The following SLC12A5 variants were observed in gnomAD, a reference collection of about 807,000 sequenced individuals.
SLC12A5 encodes the protein solute carrier family 12 member 5, also known as K-Cl cotransporter 2.
In SLC12A5, 18 loss-of-function variants were observed where a neutral mutation model predicts 124.0. That is an observed-to-expected ratio of 0.15 (90% CI 0.10 to 0.22). SLC12A5 has a LOEUF of 0.22. SLC12A5 is among the 10% of genes least tolerant of loss of function. The pLI is 1.00. For synonymous variants in SLC12A5, 589 were observed against 568.0 expected, an observed-to-expected ratio of 1.04 and a Z score of -0.53; for missense variants, 867 against 1,478.7, an observed-to-expected ratio of 0.59 and a Z score of 6.78.
chr20:46,058,850 A>G lies in SLC12A5; in HGVS notation c.*1245A>G. 2.5e-6 allele frequency: 1 copy of G among 397,546 alleles called. No homozygotes were observed. The highest frequency in any genetic ancestry group is 4.4e-6 in the Non-Finnish European group (1 of 226,052). 24.6% of individuals were successfully genotyped at this position (397,546 alleles called of 1,614,324 possible). On this transcript the variant is annotated 3_prime_UTR_variant, in exon 26 of 26. Transcript: ENST00000243964. The surrounding 1 kb of genome is among the most constrained non-coding windows in gnomAD (Gnocchi z 5.8). The stretch of plus-strand genomic sequence containing the variant: ...TGGCAGCTCCTGTCTCGCCTGAGGG[A>G]CCCAGCCGCCTTCTCCGTGCTCTGG...
Position 46,059,349 on chromosome 20 carries a change from C to A in SLC12A5, c.*1744C>A. The A allele has an allele frequency of 2.6e-6, 1 of 383,038 alleles. No homozygotes were observed. Among genetic ancestry groups the A allele is most frequent in the Non-Finnish European group, 4.6e-6 (1 of 216,888 alleles). 23.7% of individuals were successfully genotyped at this position (383,038 alleles called of 1,614,324 possible). Reference sequence around the variant, plus strand: ...GTGTGGCTGGGGTAGGTTTGGAGGTCTGCCAGTTACACCAAGTCCCCTCTG... The same window carrying A: ...GTGTGGCTGGGGTAGGTTTGGAGGTATGCCAGTTACACCAAGTCCCCTCTG... On this transcript the variant is annotated 3_prime_UTR_variant, in exon 26 of 26. Coordinates refer to ENST00000243964, the MANE Select transcript of SLC12A5 (RefSeq NM_020708.5).
Position 46,056,710 on chromosome 20 carries a change from T to A in SLC12A5, c.3110+146T>A. 8.8e-7 allele frequency: 1 copy of A among 1,140,746 alleles called. No homozygotes were observed. Among genetic ancestry groups the A allele is most frequent in the Non-Finnish European group, 1.3e-6 (1 of 794,504 alleles). The allele number at this position is 1,140,746 out of a possible 1,614,324, so 70.7% of individuals were successfully genotyped here. Reference sequence around the variant, plus strand: ...TGTCTTGGTTTCTCCATCTGAGGACTTAGGGGGTTGGGCCCCATTGCTAAG... The same window carrying A: ...TGTCTTGGTTTCTCCATCTGAGGACATAGGGGGTTGGGCCCCATTGCTAAG... On this transcript the variant is annotated intron_variant, in intron 23 of 25. Coordinates refer to ENST00000243964, the MANE Select transcript of SLC12A5 (RefSeq NM_020708.5). The surrounding 1 kb of genome is among the most constrained non-coding windows in gnomAD (Gnocchi z 4.3).
At position 46,040,426 on chromosome 20, in the gene SLC12A5, G is replaced by T. The variant is rs1393595000; in HGVS notation, c.666G>T (p.Glu222Asp). The stretch of plus-strand genomic sequence containing the variant: ...TCAAGGCAGAAGATGCCAGTGGGGA[G>T]GCAGCAGCCATGCTGAACAACATGC... ...AIFKAEDASGEAAAMLNNMRV... is the reference protein window; with the variant it reads ...AIFKAEDASGDAAAMLNNMRV... Residue 222 changes from glutamate to aspartate, a missense_variant, in exon 7 of 26, where the codon GAG becomes GAT. Glu to Asp is a conservative substitution (Grantham distance 45, BLOSUM62 2). Around this residue, in one of 9 missense-constraint regions of SLC12A5, gnomAD observed 126 missense variants for 291.6 expected, o/e 0.43. Transcript: ENST00000243964. 1 of 1,614,264 alleles carries T rather than the reference G, an allele frequency of 6.2e-7. No individual in the cohort carries two copies.
intron 11 of SLC12A5, 62 bp downstream of exon 11, chr20:46,043,995 G>A: frequency 6.6e-7 from 1 of 1,506,506 alleles, no homozygotes. Flanking sequence ...CTGAGTTCTG[G>A]GAAACAGACC....
upstream of SLC12A5, among the ~76,000 whole-genome samples, chr20:46,027,053 G>A (rs1248917268): frequency 1.3e-5 from 2 of 152,208 alleles, no homozygotes; most frequent in Admixed American, 6.5e-5. Flanking sequence ...CATGCTACAC[G>A]TGTTTTACTG....
chr20:46,035,576 G>GA (rs976303809), intron 3 of SLC12A5, 41 bp downstream of exon 3: 2 of 1,453,008 alleles, frequency 1.4e-6, no homozygotes, highest in Admixed American at 1.9e-5. Flanking sequence ...AAAAGGGACG[G>GA]ATGGGGGGTG....
intron 3 of SLC12A5, 22 bp from the exon 4 acceptor site, chr20:46,035,755 C>G: frequency 2.5e-6 from 4 of 1,603,094 alleles, no homozygotes; most frequent in Non-Finnish European, 3.4e-6. Flanking sequence ...ACTGCAGAGA[C>G]TGATGCTGGC....
At chr20:46,030,183 C>T (rs544972279) in intron 1 of SLC12A5, among the ~76,000 whole-genome samples, 1 of 152,224 alleles carries the variant, frequency 6.6e-6, no homozygotes, top group African/African-American at 2.4e-5. Flanking sequence ...TCCCTCTTTC[C>T]CCCTCCTCTC....
downstream of SLC12A5, among the ~76,000 whole-genome samples, chr20:46,024,141 C>CTG (rs3222615): frequency 0.097 from 14,371 of 147,570 alleles, 1,428 homozygotes; most frequent in African/African-American, 0.27. Flanking sequence ...GTGGCAGAGG[C>CTG]TGTGTGTGTG....
At chr20:46,021,953 C>T (rs1310612023) in intron 1 of SLC12A5, 7 of 1,413,810 alleles carry the variant, frequency 5.0e-6, no homozygotes, top group Non-Finnish European at 6.5e-6. Flanking sequence ...CGGGGCGGAC[C>T]GTCTGTTGAA....
intron 13 of SLC12A5, 80 bp downstream of exon 13, chr20:46,046,076 C>A: frequency 7.5e-7 from 1 of 1,333,242 alleles, no homozygotes; most frequent in Non-Finnish European, 1.1e-6. Flanking sequence ...CCTGTGACAA[C>A]CCACCCAGAC....
At position 46,057,694 on chromosome 20, in the gene SLC12A5, T is replaced by A; in HGVS notation, c.*89T>A. Reference sequence around the variant, plus strand: ...CCCCCCGCCGCTGTCACCGTTTACATACAGACCCTGTGCCCGTGTCCTGGC... The same window carrying A: ...CCCCCCGCCGCTGTCACCGTTTACAAACAGACCCTGTGCCCGTGTCCTGGC... On this transcript the variant is annotated 3_prime_UTR_variant, in exon 26 of 26. Coordinates refer to ENST00000243964, the MANE Select transcript of SLC12A5 (RefSeq NM_020708.5). The surrounding 1 kb of genome is among the most constrained non-coding windows in gnomAD (Gnocchi z 7.1). The A allele has an allele frequency of 1.0e-6, 1 of 996,932 alleles. No homozygotes were observed. Among genetic ancestry groups the A allele is most frequent in the South Asian group, 1.6e-5 (1 of 61,570 alleles). The allele number at this position is 996,932 out of a possible 1,614,324, so 61.8% of individuals were successfully genotyped here. A position where few individuals can be genotyped will look rare whatever the true frequency, so the allele number is the denominator to read the frequency against.
chr20:46,022,005 C>T, intron 1 of SLC12A5: 1 of 1,218,426 alleles, frequency 8.2e-7, no homozygotes, highest in Non-Finnish European at 1.1e-6. Context: ...GGTCCCAGCC[C>T]TAGGCCTGAG....
In SLC12A5 at chr20:46,035,054, G is replaced by C. The variant is rs763179025; in HGVS notation, c.147+12G>C. The C allele has an allele frequency of 3.1e-6, 5 of 1,612,818 alleles. No homozygotes were observed. Reference sequence around the variant, plus strand: ...TGGCCTTGTTTGAGGTGGGCTGCTAGGGCTGTTGGGCCCCCACCTACAATT... The same window carrying C: ...TGGCCTTGTTTGAGGTGGGCTGCTACGGCTGTTGGGCCCCCACCTACAATT... On this transcript the variant is annotated intron_variant, in intron 2 of 25. Coordinates refer to ENST00000243964, the MANE Select transcript of SLC12A5 (RefSeq NM_020708.5).
intron 2 of SLC12A5, 118 bp from the exon 3 acceptor site, chr20:46,035,286 C>A: frequency 1.5e-6 from 2 of 1,342,656 alleles, no homozygotes; most frequent in Non-Finnish European, 2.1e-6. Flanking sequence ...CCTTTCCCAT[C>A]TCATCCCAAC....
At chr20:46,035,276 C>A in intron 2 of SLC12A5, 128 bp from the exon 3 acceptor site, 1 of 1,258,574 alleles carries the variant, frequency 7.9e-7, no homozygotes, top group Non-Finnish European at 1.1e-6. Context: ...TGTTCCTCCT[C>A]CTTTCCCATC....
At chr20:46,029,426 G>A in intron 1 of SLC12A5, 30 bp downstream of exon 1, 1 of 1,515,490 alleles carries the variant, frequency 6.6e-7, no homozygotes, top group Non-Finnish European at 9.0e-7. Flanking sequence ...CGGCGGGGGA[G>A]GGGGCAGCGA....
intron 7 of SLC12A5, 172 bp downstream of exon 7, chr20:46,040,786 G>C (rs551627835): frequency 9.5e-7 from 1 of 1,054,266 alleles, no homozygotes; most frequent in East Asian, 2.6e-5. Context: ...AATCTCTTCA[G>C]AGTGAGGTAA....
At position 46,053,159 on chromosome 20, in the gene SLC12A5, A is replaced by G; in HGVS notation, c.2547+33A>G. The G allele has an allele frequency of 1.3e-6, 2 of 1,591,514 alleles. No homozygotes were observed. Among genetic ancestry groups the G allele is most frequent in the Non-Finnish European group, 8.6e-7 (1 of 1,161,894 alleles). On this transcript the variant is annotated intron_variant, in intron 19 of 25. Transcript: ENST00000243964. This position sits in a 1 kb window ranked among gnomAD's most constrained non-coding sequence, Gnocchi z 4.7. ...GTGTGCGTGAGTGTATGCACGTGTG[A>G]GTGTGTGTATGCATGTATGCATTTG...
Sources: gnomAD v4.1 joint callset for allele counts (sites outside exome capture counted in the v4.1 genomes callset) on GRCh38, gnomAD v4.1.1 for gene constraint, gnomAD v4.1.1 regional missense constraint, Gnocchi (gnomAD v3.1) non-coding constraint, MANE v1.5 for transcripts, NCBI Gene and HGNC (gene_info 2026-07-23, HGNC 2026-07-21) for gene names.